Variants in UBAC2 observed in about 807,000 individuals in gnomAD.
UBAC2 encodes the protein UBA domain containing 2.
In UBAC2, 26 loss-of-function variants were observed where a neutral mutation model predicts 44.0. The observed-to-expected ratio is 0.59, with a 90% CI of 0.43 to 0.82. The LOEUF (loss-of-function observed/expected upper bound fraction) is 0.82. Among genes scored for constraint, UBAC2 ranks in the 40% least tolerant of loss-of-function variants. The pLI is 0.00. For missense variants in UBAC2, 329 were observed against 419.4 expected (o/e 0.78, Z 1.88); for synonymous variants, 155 against 154.3 (o/e 1.00, Z -0.04).
intron 1 of UBAC2, among the ~76,000 whole-genome samples, chr13:99,232,421 T>TATA (rs61314371): frequency 1.4e-5 from 2 of 139,852 alleles, no homozygotes; most frequent in East Asian, 2.1e-4. Context: ...TATATATATA[T>TATA]TCACACACAC....
chr13:99,368,688 A>AGTGTGGGGGTGTGT (rs1555332920), intron 8 of UBAC2, among the ~76,000 whole-genome samples: 2 of 146,596 alleles, frequency 1.4e-5, no homozygotes, highest in Non-Finnish European at 3.0e-5. Flanking sequence ...CTCATGAGAG[A>AGTGTGGGGGTGTGT]GTGTGTGTGT....
chr13:99,212,348 T>C (rs73564000), intron 1 of UBAC2, among the ~76,000 whole-genome samples: 1,620 of 152,362 alleles, frequency 0.011, 30 homozygotes, highest in African/African-American at 0.038. Context: ...ATGAGAATTA[T>C]AAAGTAATCC....
chr13:99,250,746 TTC>T (rs1247534099), intron 4 of UBAC2, among the ~76,000 whole-genome samples: 1 of 147,676 alleles, frequency 6.8e-6, no homozygotes, highest in African/African-American at 2.5e-5. Flanking sequence ...TTTGATTTTT[TTC>T]TTTTTTCTTT....
At chr13:99,307,569 T>G (rs1407922733) in intron 4 of UBAC2, among the ~76,000 whole-genome samples, 1 of 152,100 alleles carries the variant, frequency 6.6e-6, no homozygotes, top group Non-Finnish European at 1.5e-5. Context: ...AGTGAAATTT[T>G]TTATAGTGAT....
At position 99,367,837 on chromosome 13, in the gene UBAC2, A is replaced by G. The variant is rs1307098401; in HGVS notation, c.858A>G (p.Gln286=). ...NRLFPPLRQR[Q]NVNYQGGRQS... ...TTTTTCCTCCTTTACGTCAGCGACA[A>G]AACGTAAACTATCAGGGCGGTCGGC... Residue 286 remains glutamine, a synonymous_variant, in exon 8 of 9, where the codon CAA becomes CAG. Transcript: ENST00000403766. 1.9e-6 allele frequency: 3 copies of G among 1,613,988 alleles called. No individual in the cohort carries two copies. The highest frequency in any genetic ancestry group is 1.7e-5 in the Admixed American group (1 of 60,028).
chr13:99,283,731 T>C (rs1385219763), intron 4 of UBAC2, among the ~76,000 whole-genome samples: 3 of 111,172 alleles, frequency 2.7e-5, no homozygotes, highest in Non-Finnish European at 5.4e-5. Flanking sequence ...TTTTTTTTTT[T>C]TTTTTTTTTT....
rs370676779 is a variant in UBAC2, at chr13:99,297,247, G to A, written c.390-16850G>A. Among the ~76,000 whole-genome samples, 17 of 152,244 alleles carry A rather than the reference G, an allele frequency of 1.1e-4. 1 individual carries two copies. Among genetic ancestry groups the A allele is most frequent in the African/African-American group, 3.9e-4 (16 of 41,554 alleles). On this transcript the variant is annotated intron_variant, in intron 4 of 8. Coordinates refer to ENST00000403766, the MANE Select transcript of UBAC2 (RefSeq NM_001144072.2). The stretch of plus-strand genomic sequence containing the variant: ...CTTTGATTAAAGCAGGAAGAACAGA[G>A]CAATAAATCCTGTGTGATTATTTTT...
At chr13:99,334,216 C>G (rs1441764468) in intron 6 of UBAC2, among the ~76,000 whole-genome samples, 1 of 152,126 alleles carries the variant, frequency 6.6e-6, no homozygotes, top group East Asian at 1.9e-4. Flanking sequence ...CTGCTTCAGC[C>G]TCCTAACATG....
chr13:99,203,115 C>T (rs1378803997), intron 1 of UBAC2, among the ~76,000 whole-genome samples: 1 of 151,978 alleles, frequency 6.6e-6, no homozygotes, highest in African/African-American at 2.4e-5. Context: ...CCGCTCACTG[C>T]AACCTCCGCC....
At chr13:99,303,225 A>G (rs1360603879) in intron 4 of UBAC2, among the ~76,000 whole-genome samples, 1 of 152,198 alleles carries the variant, frequency 6.6e-6, no homozygotes, top group Non-Finnish European at 1.5e-5. Context: ...CATCTTCAAG[A>G]CTGAAAAAGG....
chr13:99,252,944 A>G (rs2043477128), intron 4 of UBAC2, among the ~76,000 whole-genome samples: 1 of 151,952 alleles, frequency 6.6e-6, no homozygotes, highest in Non-Finnish European at 1.5e-5. Flanking sequence ...TTTCCATCTA[A>G]TAAATTTAAG....
At chr13:99,320,689 TC>T (rs1166468075) in intron 6 of UBAC2, among the ~76,000 whole-genome samples, 1 of 152,220 alleles carries the variant, frequency 6.6e-6, no homozygotes, top group African/African-American at 2.4e-5. Flanking sequence ...ACATTTTCTT[TC>T]TTTGTCTAGA....
chr13:99,238,586 G>A, intron 2 of UBAC2, 32 bp downstream of exon 2: 1 of 1,506,610 alleles, frequency 6.6e-7, no homozygotes, highest in South Asian at 1.4e-5. Flanking sequence ...CCTGAGAGGA[G>A]AGCGGACAGT....
intron 1 of UBAC2, among the ~76,000 whole-genome samples, chr13:99,233,430 A>G (rs1725707339): frequency 1.3e-5 from 2 of 152,118 alleles, no homozygotes; most frequent in South Asian, 2.1e-4. Context: ...GTTTCTAAAG[A>G]CCATTTCCCA....
chr13:99,322,062 T>G (rs2044575302), intron 6 of UBAC2, among the ~76,000 whole-genome samples: 1 of 152,248 alleles, frequency 6.6e-6, no homozygotes, highest in Non-Finnish European at 1.5e-5. Context: ...GGACTTTTCA[T>G]GAAATGTTGC....
At chr13:99,239,884 C>G (rs1345954704) in intron 2 of UBAC2, among the ~76,000 whole-genome samples, 1 of 152,076 alleles carries the variant, frequency 6.6e-6, no homozygotes, top group Non-Finnish European at 1.5e-5. Flanking sequence ...GGGGGGTGAT[C>G]AAGGAAATAG....
chr13:99,310,183 C>T (rs994340281), intron 4 of UBAC2, among the ~76,000 whole-genome samples: 2 of 152,164 alleles, frequency 1.3e-5, no homozygotes, highest in Non-Finnish European at 2.9e-5. Context: ...AAAAATTAGC[C>T]AGGTGTGGTG....
At chr13:99,371,633 G>A (rs1038975468) in intron 8 of UBAC2, among the ~76,000 whole-genome samples, 1 of 151,916 alleles carries the variant, frequency 6.6e-6, no homozygotes, top group Non-Finnish European at 1.5e-5. Flanking sequence ...AGCTTTTTTT[G>A]CTTACTTTTT....
chr13:99,219,510 A>G (rs2043031934), intron 1 of UBAC2, among the ~76,000 whole-genome samples: 1 of 152,228 alleles, frequency 6.6e-6, no homozygotes. Context: ...CCCATGGGCC[A>G]TATGCGACCC....
Sources: allele counts gnomAD v4.1 joint callset (sites outside exome capture counted in the v4.1 genomes callset), GRCh38; gene constraint gnomAD v4.1.1; transcripts MANE v1.5; gene names NCBI Gene and HGNC (gene_info 2026-07-23, HGNC 2026-07-21).